Variants in SEZ6L2 observed in about 807,000 individuals in gnomAD.
The protein encoded by SEZ6L2 is seizure related 6 homolog like 2.
A neutral mutation model predicts 97.0 loss-of-function variants in SEZ6L2; 44 were observed. The ratio of observed to expected loss-of-function variants is 0.45; its 90% CI spans 0.36 to 0.58. The LOEUF (loss-of-function observed/expected upper bound fraction) is 0.58, where lower values mean the gene tolerates loss of function less well. Ranked by LOEUF, SEZ6L2 falls within the 20% of genes least tolerant of loss-of-function variation. SEZ6L2 has a pLI of 0.00. For synonymous variants in SEZ6L2, 543 were observed against 546.1 expected (o/e 0.99, Z 0.08); for missense variants, 1,086 against 1,233.3 (o/e 0.88, Z 1.79).
In SEZ6L2 at chr16:29,898,935, C is replaced by T; in HGVS notation, c.79+6G>A. ...GGGGCCCACCCCCACAGTCTCATGTCCTTACCCTGGATCCAGGGACAGCTC... is the reference window on the plus strand; with the variant it reads ...GGGGCCCACCCCCACAGTCTCATGTTCTTACCCTGGATCCAGGGACAGCTC... On this transcript the variant is annotated splice_donor_region_variant and intron_variant, in intron 1 of 17. Transcript: ENST00000617533. The T allele has an allele frequency of 6.2e-7, 1 of 1,608,416 alleles. No individual in the cohort carries two copies. Among genetic ancestry groups the T allele is most frequent in the Non-Finnish European group, 8.5e-7 (1 of 1,178,364 alleles).
chr16:29,895,507 T>C, intron 4 of SEZ6L2, 47 bp from the exon 5 acceptor site: 1 of 1,594,922 alleles, frequency 6.3e-7, no homozygotes. Context: ...AGCCAGGTGT[T>C]TGACTTCCAA....
intron 7 of SEZ6L2, chr16:29,886,098 C>T (rs2068135167): frequency 5.8e-6 from 1 of 171,606 alleles, no homozygotes; most frequent in Admixed American, 6.3e-5. Context: ...CATGGTGGCT[C>T]AGCTCACACC....
intron 1 of SEZ6L2, 60 bp downstream of exon 1, chr16:29,898,881 G>T (rs2068466795): frequency 7.6e-7 from 1 of 1,311,670 alleles, no homozygotes; most frequent in Non-Finnish European, 1.1e-6. Context: ...AGAGAAAGGA[G>T]GGTGGAGGAC....
At chr16:29,871,864 T>C in intron 17 of SEZ6L2, 136 bp from the exon 18 acceptor site, 1 of 801,872 alleles carries the variant, frequency 1.2e-6, no homozygotes, top group South Asian at 1.5e-5. Flanking sequence ...TGAATGTGTT[T>C]GGTTCATCCT....
At position 29,873,767 on chromosome 16, in the gene SEZ6L2, C is replaced by A; in HGVS notation, c.2105-38G>T. On this transcript the variant is annotated intron_variant, in intron 12 of 17. Transcript: ENST00000617533. This position sits in a 1 kb window ranked among gnomAD's most constrained non-coding sequence, Gnocchi z 4.3. ...GAACAAGGTCAGGGGGAGCGAGGGCCTTCAAAGATCAGCCTGGGCAACACA... is the reference window on the plus strand; with the variant it reads ...GAACAAGGTCAGGGGGAGCGAGGGCATTCAAAGATCAGCCTGGGCAACACA... 1 of 1,518,034 alleles carries A rather than the reference C, an allele frequency of 6.6e-7. No individual in the cohort carries two copies. The highest frequency in any genetic ancestry group is 8.8e-7 in the Non-Finnish European group (1 of 1,133,732). 94.0% of individuals were successfully genotyped at this position (1,518,034 alleles called of 1,614,324 possible).
At chr16:29,896,259 C>T (rs1437639755) in intron 3 of SEZ6L2, among the ~76,000 whole-genome samples, 1 of 151,920 alleles carries the variant, frequency 6.6e-6, no homozygotes, top group Non-Finnish European at 1.5e-5. Context: ...CTGCTGTGCC[C>T]CCCTCACCAT....
In SEZ6L2 at chr16:29,899,069, T is replaced by C. The variant is rs755697724; in HGVS notation, c.-50A>G. 10 of 1,291,820 alleles carry C rather than the reference T, an allele frequency of 7.7e-6. No individual in the cohort carries two copies. The highest frequency in any genetic ancestry group is 2.0e-5 in the Admixed American group (1 of 50,692). 80.0% of individuals were successfully genotyped at this position (1,291,820 alleles called of 1,614,324 possible). ...TCTGTGCCTCTCTAAGTAATCTGGC[T>C]GCCACCTTTCCTCCGTCTCCGTTTA... On this transcript the variant is annotated 5_prime_UTR_variant, in exon 1 of 18. Transcript: ENST00000617533.
chr16:29,874,523 CA>C (rs1243871768), intron 12 of SEZ6L2, among the ~76,000 whole-genome samples: 1 of 100,136 alleles, frequency 1.0e-5, no homozygotes, highest in African/African-American at 3.5e-5. Flanking sequence ...GTTTTACAAA[CA>C]AATATAATTC....
intron 1 of SEZ6L2, among the ~76,000 whole-genome samples, chr16:29,898,601 A>C (rs2068459224): frequency 6.6e-6 from 1 of 152,032 alleles, no homozygotes; most frequent in South Asian, 2.1e-4. Context: ...TTGTGTGTAC[A>C]GCGCCTGGCA....
chr16:29,893,954 T>A (rs2068326491), intron 5 of SEZ6L2, among the ~76,000 whole-genome samples: 1 of 152,202 alleles, frequency 6.6e-6, no homozygotes, highest in Non-Finnish European at 1.5e-5. Context: ...CAATGCAACC[T>A]CCGCCTCCTG....
chr16:29,885,833 A>G, intron 7 of SEZ6L2, 84 bp from the exon 8 acceptor site: 1 of 1,363,910 alleles, frequency 7.3e-7, no homozygotes, highest in South Asian at 1.4e-5. Flanking sequence ...ACTTATTTTT[A>G]TAGCTGTTAT....
In SEZ6L2 at chr16:29,874,557, T is replaced by G. The variant is rs1200669173; in HGVS notation, c.2105-828A>C. 2.3e-4 allele frequency among the ~76,000 whole-genome samples: 16 copies of G among 71,106 alleles called. 1 individual carries two copies. Among genetic ancestry groups the G allele is most frequent in the African/African-American group, 1.3e-3 (15 of 11,396 alleles). 46.6% of individuals were successfully genotyped at this position (71,106 alleles called of 152,430 possible). A position where few individuals can be genotyped will look rare whatever the true frequency, so the allele number is the denominator to read the frequency against. On this transcript the variant is annotated intron_variant, in intron 12 of 17. Coordinates refer to ENST00000617533, the MANE Select transcript of SEZ6L2 (RefSeq NM_001243332.2). ...TTCTTTGTGTGTGTGCTTGTTTTTT[T>G]TTTTTTTTTTTTTTTTTTTTTTTTT...
Position 29,888,721 on chromosome 16 carries a change from G to A in SEZ6L2, c.858C>T (p.Tyr286=). 1 of 1,611,546 alleles carries A rather than the reference G, an allele frequency of 6.2e-7. No homozygotes were observed. Among genetic ancestry groups the A allele is most frequent in the Non-Finnish European group, 8.5e-7 (1 of 1,179,066 alleles). Residue 286 remains tyrosine (Y), a synonymous_variant, in exon 6 of 18, where the codon TAC becomes TAT. Coordinates refer to ENST00000617533, the MANE Select transcript of SEZ6L2 (RefSeq NM_001243332.2). ...GGGFRIHYQA[Y]LLSCGFPPRP... is the part of the protein sequence containing the mutation. Reference sequence around the variant, plus strand: ...GGGGAGGGAAGCCACAGCTCAGGAGGTAGGCTGCACCAGACAGACAGCGGG... The same window carrying A: ...GGGGAGGGAAGCCACAGCTCAGGAGATAGGCTGCACCAGACAGACAGCGGG...
At chr16:29,875,704 G>A (rs1195158402) in intron 12 of SEZ6L2, among the ~76,000 whole-genome samples, 1 of 139,304 alleles carries the variant, frequency 7.2e-6, no homozygotes, top group Non-Finnish European at 1.5e-5. Context: ...CTCCCGTGGC[G>A]CAGGATGGAA....
rs1448185927 is a variant in SEZ6L2 at position 29,899,148 on chromosome 16, C to T, written c.-129G>A. 4 of 688,558 alleles carry T rather than the reference C, an allele frequency of 5.8e-6. No homozygotes were observed. The highest frequency in any genetic ancestry group is 1.7e-5 in the South Asian group (1 of 59,430). The allele number at this position is 688,558 out of a possible 1,614,324, so 42.7% of individuals were successfully genotyped here. On this transcript the variant is annotated 5_prime_UTR_variant, in exon 1 of 18. Transcript: ENST00000617533. ...TTTTTTTTTTCCTCGTAGGAGTCAG[C>T]AAAGAAAGACAATTTCTCTGCCCCT... is the stretch of plus-strand genomic sequence containing the variant.
In SEZ6L2 at chr16:29,897,035, TC is replaced by T; in HGVS notation, c.297del (p.Thr100GlnfsTer4). On this transcript the variant is annotated frameshift_variant, in exon 3 of 18. Transcript: ENST00000617533. LOFTEE classifies it high-confidence loss of function. The part of the protein sequence containing the change: ...VPSLPRATEP[G>X]TGPLTTAVTP... ...GTGACGGCTGTTGTCAGAGGCCCTG[TC>T]CCCGGCTCAGTGGCCCGTGGCAGGG... The T allele has an allele frequency of 6.3e-7, 1 of 1,580,416 alleles. No homozygotes were observed.
Position 29,888,584 on chromosome 16 carries a change from T to C in SEZ6L2, c.995A>G (p.Asn332Ser), listed in dbSNP as rs541968911. 2.5e-6 allele frequency: 4 copies of C among 1,613,950 alleles called. No homozygotes were observed. The highest frequency in any genetic ancestry group is 2.2e-5 in the South Asian group (2 of 91,078). ...LQGEETLICLNGTRPSWNGET... is the reference protein window; with the variant it reads ...LQGEETLICLSGTRPSWNGET... ...ACCGTTCCAGGATGGCCGGGTGCCA[T>C]TGAGGCAGATGAGGGTCTCCTCTCC... The change falls in exon 6 of 18, where the codon AAT (asparagine) becomes AGT (serine). Residue 332 changes from asparagine (N) to serine (S), a missense_variant. Physicochemically the swap from Asn to Ser is conservative, Grantham distance 46 (BLOSUM62 1). This residue lies in a region of SEZ6L2 where 776 missense variants were observed against 794.7 expected (regional missense o/e 0.98). Coordinates refer to ENST00000617533, the MANE Select transcript of SEZ6L2 (RefSeq NM_001243332.2).
At chr16:29,886,554 G>A (rs1342819616) in intron 7 of SEZ6L2, among the ~76,000 whole-genome samples, 3 of 151,494 alleles carry the variant, frequency 2.0e-5, no homozygotes, top group East Asian at 1.9e-4. Flanking sequence ...GGTGGCACAC[G>A]CTTGTAGTCC....
At chr16:29,871,756 T>C in intron 17 of SEZ6L2, 28 bp from the exon 18 acceptor site, 1 of 1,602,070 alleles carries the variant, frequency 6.2e-7, no homozygotes, top group Non-Finnish European at 8.5e-7. Context: ...AGGTCAGTTG[T>C]TGGAGTCTGA....
Sources: allele counts gnomAD v4.1 joint callset (sites outside exome capture counted in the v4.1 genomes callset), GRCh38; gene constraint gnomAD v4.1.1; regional missense constraint gnomAD v4.1.1; non-coding constraint Gnocchi (gnomAD v3.1); transcripts MANE v1.5; gene names NCBI Gene and HGNC (gene_info 2026-07-23, HGNC 2026-07-21).